Variants in CDH4 observed in about 807,000 individuals in gnomAD.
The protein encoded by CDH4 is cadherin-4.
A neutral mutation model predicts 86.0 loss-of-function variants in CDH4; 33 were observed. That is an observed-to-expected ratio of 0.38 (90% CI 0.29 to 0.51). The LOEUF (loss-of-function observed/expected upper bound fraction) is 0.51, where lower values mean the gene tolerates loss of function less well. Among genes scored for constraint, CDH4 ranks in the 20% least tolerant of loss-of-function variants. The probability of loss-of-function intolerance (pLI) is 0.86; values close to 1 mark genes in which losing one functional copy is unlikely to be tolerated. For synonymous variants in CDH4, 555 were observed against 549.4 expected (o/e 1.01, Z -0.14); for missense variants, 1,114 against 1,307.4 (o/e 0.85, Z 2.28).
At position 61,564,551 on chromosome 20, in the gene CDH4, C is replaced by T. The variant is rs189870316; in HGVS notation, c.170-179012C>T. ...CTCTCACCATGTGATGCCCTGGCTC[C>T]GCTTCACCCTCCACCATGATTGAAG... On this transcript the variant is annotated intron_variant, in intron 2 of 15. Coordinates refer to ENST00000614565, the MANE Select transcript of CDH4 (RefSeq NM_001794.5). Among the ~76,000 whole-genome samples the T allele has an allele frequency of 5.2e-3, 798 of 152,282 alleles. 3 individuals carry two copies. The highest frequency in any genetic ancestry group is 0.018 in the African/African-American group (737 of 41,544).
chr20:61,670,704 C>T (rs1056521183), intron 2 of CDH4, among the ~76,000 whole-genome samples: 8 of 152,142 alleles, frequency 5.3e-5, no homozygotes, highest in African/African-American at 1.7e-4. Context: ...TGTGAGGATT[C>T]CCATGACTTC....
intron 2 of CDH4, among the ~76,000 whole-genome samples, chr20:61,620,418 T>G (rs1301944237): frequency 6.6e-6 from 1 of 151,570 alleles, no homozygotes; most frequent in African/African-American, 2.4e-5. Flanking sequence ...AGATGGATGA[T>G]GGATGGATAG....
At chr20:61,546,137 G>A (rs1235947043) in intron 2 of CDH4, among the ~76,000 whole-genome samples, 471 of 133,796 alleles carry the variant, frequency 3.5e-3, no homozygotes, top group Middle Eastern at 0.024. Flanking sequence ...TGTGGGATAC[G>A]GTATTTGTTC....
At chr20:61,693,705 G>A (rs1378312429) in intron 2 of CDH4, among the ~76,000 whole-genome samples, 5 of 152,130 alleles carry the variant, frequency 3.3e-5, no homozygotes, top group Admixed American at 1.3e-4. Flanking sequence ...TCATCCACCT[G>A]GGCATCCCCA....
intron 2 of CDH4, among the ~76,000 whole-genome samples, chr20:61,432,011 T>A (rs538741481): frequency 1.2e-4 from 18 of 152,308 alleles, no homozygotes; most frequent in African/African-American, 4.3e-4. Flanking sequence ...GCACTCCAGT[T>A]ATGGAGCACA....
chr20:61,560,952 T>A (rs1430585327), intron 2 of CDH4, among the ~76,000 whole-genome samples: 1 of 152,228 alleles, frequency 6.6e-6, no homozygotes, highest in Non-Finnish European at 1.5e-5. Context: ...ACCAGCCGTT[T>A]ATACCCAGAT....
At chr20:61,641,059 G>T (rs2087002818) in intron 2 of CDH4, among the ~76,000 whole-genome samples, 1 of 152,138 alleles carries the variant, frequency 6.6e-6, no homozygotes, top group Non-Finnish European at 1.5e-5. Context: ...CCTGGGACGT[G>T]CACCTCCATG....
intron 4 of CDH4, among the ~76,000 whole-genome samples, chr20:61,809,472 T>C (rs1479498368): frequency 6.6e-6 from 1 of 152,156 alleles, no homozygotes; most frequent in Admixed American, 6.5e-5. Flanking sequence ...ACAAGTGACA[T>C]CTCATTAAAG....
At chr20:61,340,704 C>A (rs923833507) in intron 2 of CDH4, among the ~76,000 whole-genome samples, 1 of 151,884 alleles carries the variant, frequency 6.6e-6, no homozygotes, top group Non-Finnish European at 1.5e-5. Flanking sequence ...CCTGCTTAAG[C>A]CTCCTAAATA....
chr20:61,508,989 A>C (rs537183724), intron 2 of CDH4, among the ~76,000 whole-genome samples: 16 of 151,078 alleles, frequency 1.1e-4, no homozygotes, highest in Non-Finnish European at 1.5e-4. Flanking sequence ...GGCCTCGCCC[A>C]GTGGTACATG....
At chr20:61,267,035 A>G (rs1224946754) in intron 2 of CDH4, among the ~76,000 whole-genome samples, 1 of 152,186 alleles carries the variant, frequency 6.6e-6, no homozygotes, top group Non-Finnish European at 1.5e-5. Flanking sequence ...CAATGCAACC[A>G]CAAGTCCAGG....
intron 2 of CDH4, among the ~76,000 whole-genome samples, chr20:61,595,450 C>T (rs562439868): frequency 4.6e-5 from 7 of 152,356 alleles, no homozygotes; most frequent in East Asian, 1.9e-4. Flanking sequence ...CCCCACCAAA[C>T]GCTGTCCGAG....
intron 3 of CDH4, among the ~76,000 whole-genome samples, chr20:61,744,252 G>A (rs567973292): frequency 6.6e-6 from 1 of 152,190 alleles, no homozygotes; most frequent in Non-Finnish European, 1.5e-5. Flanking sequence ...GAATAACAGA[G>A]AGGAAGGCAG....
rs905561713 is a variant in CDH4 at position 61,769,403 on chromosome 20, G to A, written c.397-3600G>A. ...GTCTGGGATTTATGGAACACATCCC[G>A]GGTGGGTGCAGGAAACATCACTGAG... On this transcript the variant is annotated intron_variant, in intron 3 of 15. Transcript: ENST00000614565. Among the ~76,000 whole-genome samples, 22 of 152,186 alleles carry A rather than the reference G, an allele frequency of 1.4e-4. 1 individual carries two copies. The highest frequency in any genetic ancestry group is 4.1e-4 in the South Asian group (2 of 4,828).
chr20:61,323,155 C>T (rs1026070434), intron 2 of CDH4, among the ~76,000 whole-genome samples: 3 of 152,164 alleles, frequency 2.0e-5, no homozygotes, highest in Non-Finnish European at 2.9e-5. Context: ...GATTCCCTTG[C>T]GGCACGGGGT....
chr20:61,607,809 G>A (rs1043441795), intron 2 of CDH4, among the ~76,000 whole-genome samples: 4 of 152,200 alleles, frequency 2.6e-5, no homozygotes, highest in African/African-American at 7.2e-5. Context: ...AATAGGAAGC[G>A]GCTGTCCTTA....
intron 2 of CDH4, among the ~76,000 whole-genome samples, chr20:61,354,002 C>T (rs1010430302): frequency 4.0e-5 from 6 of 151,882 alleles, no homozygotes; most frequent in Admixed American, 6.6e-5. Context: ...TGTGAGGAAT[C>T]GATAATTTAC....
chr20:61,387,078 A>T (rs1305644802), intron 2 of CDH4, among the ~76,000 whole-genome samples: 2 of 152,270 alleles, frequency 1.3e-5, no homozygotes, highest in African/African-American at 4.8e-5. Context: ...TTATAAAAAT[A>T]AAATATATTC....
At chr20:61,787,677 C>T (rs1353070295) in intron 4 of CDH4, among the ~76,000 whole-genome samples, 1 of 152,182 alleles carries the variant, frequency 6.6e-6, no homozygotes, top group African/African-American at 2.4e-5. Context: ...GGATAAGTAA[C>T]TCTTAGTTAC....
Sources: allele counts gnomAD v4.1 joint callset (sites outside exome capture counted in the v4.1 genomes callset), GRCh38; gene constraint gnomAD v4.1.1; transcripts MANE v1.5; gene names NCBI Gene and HGNC (gene_info 2026-07-23, HGNC 2026-07-21).